Variants in CSF1R observed in about 807,000 individuals in gnomAD.
The protein encoded by CSF1R is colony stimulating factor 1 receptor, also known as macrophage colony-stimulating factor 1 receptor.
CSF1R carries 40 observed loss-of-function variants against 110.0 expected under a neutral mutation model. The ratio of observed to expected loss-of-function variants is 0.36; its 90% CI spans 0.28 to 0.47. CSF1R has a LOEUF of 0.47. CSF1R is among the 20% of genes least tolerant of loss of function. The pLI is 0.99. For missense variants in CSF1R, 1,052 were observed against 1,253.0 expected (o/e 0.84, Z 2.42); for synonymous variants, 523 against 503.4 (o/e 1.04, Z -0.52).
At chr5:150,085,924 G>A (rs953530331) in intron 1 of CSF1R, among the ~76,000 whole-genome samples, 10 of 152,090 alleles carry the variant, frequency 6.6e-5, no homozygotes, top group Admixed American at 2.0e-4. Flanking sequence ...ACATCTCCCA[G>A]GAGTGTGTTG....
In CSF1R at chr5:150,086,397, C is replaced by T. The variant is rs745892752; in HGVS notation, c.31G>A (p.Val11Met). The change falls in exon 1 of 21, where the codon GTG becomes ATG. Residue 11 changes from valine to methionine, a missense_variant. Around this residue, in one of 5 missense-constraint regions of CSF1R, gnomAD observed 693 missense variants for 735.4 expected, o/e 0.94. Transcript: ENST00000675795. MGPGVLLLLL[V>M]ATAWHGQGIP... is the part of the protein sequence containing the mutation. ...CTCTTACCATGCCAAGCTGTGGCCA[C>T]CAGCAGGAGCAGCAGAACTCCTGGG... 1 of 1,610,330 alleles carries T rather than the reference C, an allele frequency of 6.2e-7. No individual in the cohort carries two copies. The highest frequency in any genetic ancestry group is 2.2e-5 in the East Asian group (1 of 44,824).
chr5:150,109,844 CA>C (rs1243463294), intron 1 of CSF1R, among the ~76,000 whole-genome samples: 37 of 152,312 alleles, frequency 2.4e-4, no homozygotes, highest in African/African-American at 8.9e-4. Context: ...GCCATTGTAG[CA>C]TAACTTATAA....
intron 4 of CSF1R, 108 bp from the exon 5 acceptor site, chr5:150,077,543 C>G: frequency 1.6e-6 from 2 of 1,229,732 alleles, no homozygotes; most frequent in East Asian, 2.4e-5. Flanking sequence ...TTCCTCTGAG[C>G]CTGTTGCTTC....
chr5:150,070,432 G>A, intron 7 of CSF1R, 24 bp downstream of exon 7: 1 of 1,550,588 alleles, frequency 6.4e-7, no homozygotes, highest in Non-Finnish European at 8.7e-7. Flanking sequence ...TCCGCCCCAG[G>A]TGGCGCTCGG....
Position 150,053,373 on chromosome 5 carries a change from A to AG in CSF1R, c.*695dup. On this transcript the variant is annotated 3_prime_UTR_variant, in exon 21 of 21. Transcript: ENST00000675795. ...TAGTTAGGATGAGTCAGCTTGGGGGAGTTTGTGCTTCCTGCTTGGTGTGGC... is the reference window on the plus strand; with the variant it reads ...TAGTTAGGATGAGTCAGCTTGGGGGAGGTTTGTGCTTCCTGCTTGGTGTGGC... The AG allele has an allele frequency of 4.3e-6, 1 of 233,702 alleles. No individual in the cohort carries two copies. Among genetic ancestry groups the AG allele is most frequent in the Non-Finnish European group, 8.5e-6 (1 of 118,204 alleles). The allele number at this position is 233,702 out of a possible 1,614,324, so 14.5% of individuals were successfully genotyped here.
At chr5:150,094,248 TG>T (rs779308210) in intron 1 of CSF1R, 80 of 1,077,702 alleles carry the variant, frequency 7.4e-5, no homozygotes, top group Non-Finnish European at 9.3e-5. Flanking sequence ...ATAACAATCC[TG>T]GGTGTATATG....
chr5:150,098,105 T>C (rs1759282850), intron 1 of CSF1R, among the ~76,000 whole-genome samples: 1 of 152,166 alleles, frequency 6.6e-6, no homozygotes, highest in Non-Finnish European at 1.5e-5. Context: ...CAATTGATTT[T>C]TGACAAAGTT....
chr5:150,080,048 G>T lies in CSF1R; in HGVS notation c.592+4C>A, dbSNP rs1190762776. On this transcript the variant is annotated splice_donor_region_variant and intron_variant, in intron 3 of 20. Transcript: ENST00000675795. ...CTGGCTGCCGGTCCCCATGCCCCAC[G>T]CACCTTTCTGCACTTTCAGCCGGAT... is the stretch of plus-strand genomic sequence containing the variant. 6.2e-7 allele frequency: 1 copy of T among 1,611,512 alleles called. No individual in the cohort carries two copies. The highest frequency in any genetic ancestry group is 1.3e-5 in the African/African-American group (1 of 75,014).
rs779207967 is a variant in CSF1R, at chr5:150,080,764, C to T, written c.307+3G>A. ...CTCTTGGGAGGAGGCTCAGACTCCT[C>T]ACCTTTGACATAGAGGTGGATGGCG... On this transcript the variant is annotated splice_donor_region_variant and intron_variant, in intron 2 of 20. Coordinates refer to ENST00000675795, the MANE Select transcript of CSF1R (RefSeq NM_001288705.3). The T allele has an allele frequency of 6.2e-7, 1 of 1,614,072 alleles. No individual in the cohort carries two copies. Among genetic ancestry groups the T allele is most frequent in the Non-Finnish European group, 8.5e-7 (1 of 1,179,966 alleles).
At position 150,086,476 on chromosome 5, in the gene CSF1R, G is replaced by T; in HGVS notation, c.-49C>A. ...CAGGTGCAGGGCTGCAAGGTGCCCA[G>T]GGCACAGAGCTCTCAGCTACTAGCT... is the stretch of plus-strand genomic sequence containing the variant. On this transcript the variant is annotated 5_prime_UTR_variant, in exon 1 of 21. In the 5' UTR this introduces an upstream ATG that the reference lacks. Coordinates refer to ENST00000675795, the MANE Select transcript of CSF1R (RefSeq NM_001288705.3). 6.3e-7 allele frequency: 1 copy of T among 1,575,466 alleles called. No homozygotes were observed. Among genetic ancestry groups the T allele is most frequent in the Non-Finnish European group, 8.7e-7 (1 of 1,155,378 alleles).
rs2113825028 is a variant in CSF1R, at chr5:150,077,439, C to T, written c.730-4G>A. The T allele has an allele frequency of 6.2e-7, 1 of 1,609,832 alleles. No homozygotes were observed. ...CAGATTGTTGAGGGATTGCGAGCTG[C>T]AGCCAGAAGGAATGGAGATGTTATA... On this transcript the variant is annotated splice_polypyrimidine_tract_variant and splice_region_variant and intron_variant, in intron 4 of 20. Transcript: ENST00000675795.
In CSF1R at chr5:150,071,329, ATG is replaced by A. The variant is rs199828848; in HGVS notation, c.1083-760_1083-759del. Among the ~76,000 whole-genome samples the A allele has an allele frequency of 2.2e-3, 333 of 152,320 alleles. 9 individuals carry two copies. In the East Asian group the frequency reaches 0.059, roughly 27 times the overall value. Reference sequence around the variant, plus strand: ...ATTTTACAATTTGTCCATAATGAACATGTGTTGTTTAGGTAATAAATACATTT... The same window carrying A: ...ATTTTACAATTTGTCCATAATGAACATGTTGTTTAGGTAATAAATACATTT... On this transcript the variant is annotated intron_variant, in intron 6 of 20. Coordinates refer to ENST00000675795, the MANE Select transcript of CSF1R (RefSeq NM_001288705.3).
rs41443148 is a variant in CSF1R, at chr5:150,055,121, T to G, written c.2654+116A>C. The G allele has an allele frequency of 9.0e-3, 7,802 of 871,162 alleles. 419 individuals carry two copies. In the African/African-American group the frequency reaches 0.11, roughly 13 times the overall value. The allele number at this position is 871,162 out of a possible 1,614,324, so 54.0% of individuals were successfully genotyped here. ...CTTGTTGTGTCCACTATGGGAGAGA[T>G]AAAGTCTGACCCTGGAACATTTTGG... is the stretch of plus-strand genomic sequence containing the variant. On this transcript the variant is annotated intron_variant, in intron 19 of 20. Coordinates refer to ENST00000675795, the MANE Select transcript of CSF1R (RefSeq NM_001288705.3).
chr5:150,062,489 C>T (rs1757576276), intron 10 of CSF1R, among the ~76,000 whole-genome samples: 1 of 134,814 alleles, frequency 7.4e-6, no homozygotes, highest in Non-Finnish European at 1.6e-5. Flanking sequence ...CTGCTCTAGG[C>T]ACTGCACCTC....
intron 10 of CSF1R, among the ~76,000 whole-genome samples, chr5:150,064,630 G>A (rs1179438646): frequency 6.6e-6 from 1 of 152,218 alleles, no homozygotes; most frequent in African/African-American, 2.4e-5. Context: ...ATCTCTAGGA[G>A]CCTCTGTGGC....
chr5:150,100,089 C>G (rs1277954848), intron 1 of CSF1R, among the ~76,000 whole-genome samples: 1 of 151,908 alleles, frequency 6.6e-6, no homozygotes, highest in South Asian at 2.1e-4. Context: ...GGGACGCACC[C>G]GTGCCAGTTA....
chr5:150,058,533 G>A (rs576644422), intron 14 of CSF1R, among the ~76,000 whole-genome samples: 67 of 152,254 alleles, frequency 4.4e-4, no homozygotes, highest in African/African-American at 1.5e-3. Flanking sequence ...ATTTGCCCTC[G>A]AAATTACCCA....
intron 5 of CSF1R, among the ~76,000 whole-genome samples, chr5:150,075,883 C>T (rs1758238821): frequency 1.3e-5 from 2 of 152,230 alleles, no homozygotes; most frequent in African/African-American, 4.8e-5. Flanking sequence ...AGATTGGGGT[C>T]CACAGCAGAG....
At chr5:150,078,920 G>T (rs186496169) in intron 3 of CSF1R, among the ~76,000 whole-genome samples, 62 of 152,282 alleles carry the variant, frequency 4.1e-4, no homozygotes, top group African/African-American at 1.4e-3. Flanking sequence ...CCCCAGCTTG[G>T]TTTCTTGCTC....
Sources: gnomAD v4.1 joint callset for allele counts (sites outside exome capture counted in the v4.1 genomes callset) on GRCh38, gnomAD v4.1.1 for gene constraint, gnomAD v4.1.1 regional missense constraint, MANE v1.5 for transcripts, NCBI Gene and HGNC (gene_info 2026-07-23, HGNC 2026-07-21) for gene names.